Variants in C3orf20 observed in about 807,000 individuals in gnomAD.
C3orf20 encodes family with sequence similarity 149 member C.
C3orf20 carries 76 observed loss-of-function variants against 88.3 expected under a neutral mutation model. The observed-to-expected ratio is 0.86, with a 90% CI of 0.72 to 1.04. C3orf20 has a LOEUF of 1.04. Ranked by LOEUF, C3orf20 falls within the 50% of genes least tolerant of loss-of-function variation. The pLI, the probability that C3orf20 is intolerant of heterozygous loss-of-function variation, is 0.00. For synonymous variants in C3orf20, 436 were observed against 437.4 expected, an observed-to-expected ratio of 1.00 and a Z score of 0.04; for missense variants, 1,056 against 1,123.3, an observed-to-expected ratio of 0.94 and a Z score of 0.86.
At chr3:14,707,820 CTTTTT>C (rs60474912) in intron 7 of C3orf20, among the ~76,000 whole-genome samples, 1 of 122,154 alleles carries the variant, frequency 8.2e-6, no homozygotes, top group Admixed American at 9.3e-5. Context: ...GTGTTTTCCT[CTTTTT>C]TTTTTTTTTT....
intron 10 of C3orf20, 192 bp downstream of exon 10, chr3:14,721,976 G>T: frequency 1.6e-6 from 1 of 630,114 alleles, no homozygotes; most frequent in Non-Finnish European, 2.7e-6. Flanking sequence ...TCAATTAAGG[G>T]TCTTCCAGTT....
chr3:14,769,321 T>C (rs2035799598), intron 15 of C3orf20, among the ~76,000 whole-genome samples: 1 of 151,782 alleles, frequency 6.6e-6, no homozygotes, highest in Non-Finnish European at 1.5e-5. Flanking sequence ...CAGGAGGGGC[T>C]GGGGCAGGCA....
intron 5 of C3orf20, among the ~76,000 whole-genome samples, chr3:14,699,743 TC>T (rs2033168031): frequency 6.6e-6 from 1 of 152,162 alleles, no homozygotes; most frequent in Admixed American, 6.5e-5. Flanking sequence ...TCACAAGCAC[TC>T]CCTTAGCTGC....
chr3:14,771,154 C>T (rs554298818), intron 15 of C3orf20, among the ~76,000 whole-genome samples: 2 of 152,314 alleles, frequency 1.3e-5, no homozygotes, highest in East Asian at 3.9e-4. Flanking sequence ...TCCAGAAGGA[C>T]CCTCGCCCCT....
intron 12 of C3orf20, among the ~76,000 whole-genome samples, chr3:14,736,290 A>G (rs982656949): frequency 9.4e-6 from 1 of 106,778 alleles, no homozygotes; most frequent in Admixed American, 1.1e-4. Context: ...ATATGTTTTT[A>G]TTTCACTTTT....
At chr3:14,724,558 C>T (rs1038978317) in intron 10 of C3orf20, among the ~76,000 whole-genome samples, 1 of 152,184 alleles carries the variant, frequency 6.6e-6, no homozygotes, top group African/African-American at 2.4e-5. Flanking sequence ...GAGCCCTTGA[C>T]GTGTGACAAG....
chr3:14,733,679 A>G (rs1476297223), intron 12 of C3orf20, among the ~76,000 whole-genome samples: 2 of 151,486 alleles, frequency 1.3e-5, no homozygotes, highest in East Asian at 3.9e-4. Flanking sequence ...TAAATGTTTA[A>G]ATATGTTGAA....
chr3:14,770,135 G>C (rs1042569428), intron 15 of C3orf20, among the ~76,000 whole-genome samples: 9 of 152,144 alleles, frequency 5.9e-5, no homozygotes, highest in African/African-American at 2.2e-4. Context: ...CCCTGAGAAT[G>C]GCAGGGACTG....
chr3:14,772,031 C>A lies in C3orf20; in HGVS notation c.2496-36C>A. The A allele has an allele frequency of 6.2e-7, 1 of 1,613,348 alleles. No homozygotes were observed. Among genetic ancestry groups the A allele is most frequent in the East Asian group, 2.2e-5 (1 of 44,884 alleles). On this transcript the variant is annotated intron_variant, in intron 15 of 16. Coordinates refer to ENST00000253697, the MANE Select transcript of C3orf20 (RefSeq NM_032137.5). The surrounding 1 kb of genome is among the most constrained non-coding windows in gnomAD (Gnocchi z 4.2). Reference sequence around the variant, plus strand: ...GGGACAGCGTGCAGTGCACCCTGGGCCCTGAGCACTGCCCCCGACCCTGCC... The same window carrying A: ...GGGACAGCGTGCAGTGCACCCTGGGACCTGAGCACTGCCCCCGACCCTGCC...
Position 14,728,342 on chromosome 3 carries a change from G to C in C3orf20, c.1691-97G>C, listed in dbSNP as rs1188887693. Reference sequence around the variant, plus strand: ...TGAGAGCGGAGGGGAGGAGATGGGGGTGAGCCAAGGTGCACTTAGATGTTT... The same window carrying C: ...TGAGAGCGGAGGGGAGGAGATGGGGCTGAGCCAAGGTGCACTTAGATGTTT... On this transcript the variant is annotated intron_variant, in intron 11 of 16. Coordinates refer to ENST00000253697, the MANE Select transcript of C3orf20 (RefSeq NM_032137.5). The C allele has an allele frequency of 3.4e-6, 5 of 1,477,756 alleles. No homozygotes were observed. The East Asian group carries it at 1.1e-4, about 34-fold the overall frequency. 91.5% of individuals were successfully genotyped at this position (1,477,756 alleles called of 1,614,324 possible). A position where few individuals can be genotyped will look rare whatever the true frequency, so the allele number is the denominator to read the frequency against.
intron 12 of C3orf20, among the ~76,000 whole-genome samples, chr3:14,745,150 GAA>G (rs1191750317): frequency 6.6e-6 from 1 of 152,194 alleles, no homozygotes; most frequent in Non-Finnish European, 1.5e-5. Flanking sequence ...AAGCTAGGCT[GAA>G]GAGGTTAGAT....
intron 4 of C3orf20, among the ~76,000 whole-genome samples, chr3:14,687,920 C>T (rs535628728): frequency 3.3e-5 from 5 of 152,226 alleles, no homozygotes; most frequent in East Asian, 1.9e-4. Context: ...TTGCTGAGAG[C>T]GCCCCTCTCC....
chr3:14,736,867 C>T (rs1200337760), intron 12 of C3orf20, among the ~76,000 whole-genome samples: 2 of 152,162 alleles, frequency 1.3e-5, no homozygotes, highest in African/African-American at 2.4e-5. Context: ...GTGCCTGGCC[C>T]ATTACCTACA....
At chr3:14,756,231 A>G (rs1217264304) in intron 12 of C3orf20, among the ~76,000 whole-genome samples, 1 of 151,406 alleles carries the variant, frequency 6.6e-6, no homozygotes, top group African/African-American at 2.4e-5. Flanking sequence ...TAAAGGTAGA[A>G]TCATAGCAGC....
intron 10 of C3orf20, among the ~76,000 whole-genome samples, chr3:14,722,937 G>C (rs528705636): frequency 6.6e-6 from 1 of 152,312 alleles, no homozygotes; most frequent in East Asian, 1.9e-4. Flanking sequence ...AACACAAGAT[G>C]GGGTAACCAA....
At chr3:14,756,154 A>G (rs1458433171) in intron 12 of C3orf20, among the ~76,000 whole-genome samples, 2 of 150,936 alleles carry the variant, frequency 1.3e-5, no homozygotes, top group Admixed American at 1.3e-4. Flanking sequence ...GTAAAATGCT[A>G]AACATGCTAC....
chr3:14,752,943 A>T (rs914745194), intron 12 of C3orf20, among the ~76,000 whole-genome samples: 2 of 152,200 alleles, frequency 1.3e-5, no homozygotes, highest in African/African-American at 2.4e-5. Context: ...TTCCTTAAGG[A>T]TCTAGAACTA....
At chr3:14,716,071 C>G (rs1381032874) in intron 9 of C3orf20, among the ~76,000 whole-genome samples, 1 of 152,170 alleles carries the variant, frequency 6.6e-6, no homozygotes. Flanking sequence ...ATGGATACTT[C>G]TTTGGTATAA....
chr3:14,720,038 T>C (rs1039727927), intron 9 of C3orf20, among the ~76,000 whole-genome samples: 1 of 152,090 alleles, frequency 6.6e-6, no homozygotes, highest in Admixed American at 6.5e-5. Flanking sequence ...TTTTTGTTTT[T>C]TGTTTTTTTG....
Sources: allele counts gnomAD v4.1 joint callset (sites outside exome capture counted in the v4.1 genomes callset), GRCh38; gene constraint gnomAD v4.1.1; non-coding constraint Gnocchi (gnomAD v3.1); transcripts MANE v1.5; gene names NCBI Gene and HGNC (gene_info 2026-07-23, HGNC 2026-07-21).